DSCAM: variants seen among roughly 807,000 people sequenced by gnomAD.
DSCAM encodes the protein cell adhesion molecule DSCAM.
A neutral mutation model predicts 217.7 loss-of-function variants in DSCAM; 47 were observed. That is an observed-to-expected ratio of 0.22 (90% CI 0.17 to 0.28). The LOEUF (loss-of-function observed/expected upper bound fraction) is 0.28. Ranked by LOEUF, DSCAM falls within the 10% of genes least tolerant of loss-of-function variation. DSCAM has a pLI of 1.00. For synonymous variants in DSCAM, 1,056 were observed against 1,015.3 expected (o/e 1.04, Z -0.76); for missense variants, 2,080 against 2,618.3 (o/e 0.79, Z 4.49).
At chr21:40,594,866 T>TACAAAGCG (rs2077009670) in intron 3 of DSCAM, among the ~76,000 whole-genome samples, 1 of 152,124 alleles carries the variant, frequency 6.6e-6, no homozygotes, top group African/African-American at 2.4e-5. Context: ...GGGAACCCCA[T>TACAAAGCG]ATGCTAAAGA....
At chr21:40,555,661 C>G (rs1056248933) in intron 3 of DSCAM, among the ~76,000 whole-genome samples, 1 of 152,192 alleles carries the variant, frequency 6.6e-6, no homozygotes, top group African/African-American at 2.4e-5. Context: ...GACACAGCAT[C>G]TGATTCTGTC....
At chr21:40,291,021 TAGA>T (rs2073885328) in intron 10 of DSCAM, among the ~76,000 whole-genome samples, 1 of 152,228 alleles carries the variant, frequency 6.6e-6, no homozygotes, top group Non-Finnish European at 1.5e-5. Flanking sequence ...TGTATCTGCA[TAGA>T]GAGGAGCCCA....
chr21:40,756,101 G>A (rs2091273349), intron 1 of DSCAM, among the ~76,000 whole-genome samples: 3 of 152,230 alleles, frequency 2.0e-5, no homozygotes, highest in African/African-American at 7.2e-5. Flanking sequence ...GGTGGGAGGT[G>A]ACTGAATCAT....
Position 40,052,160 on chromosome 21 carries a change from C to T in DSCAM, c.5036-53G>A, listed in dbSNP as rs2088943484. 4.4e-6 allele frequency: 7 copies of T among 1,596,172 alleles called. No homozygotes were observed. In the South Asian group the frequency reaches 6.8e-5, roughly 16 times the overall value. ...CAAACACGTTTATCTCCCTTCCAAC[C>T]ACTCCCTGGCCTTTTCTCTCCTGAG... On this transcript the variant is annotated intron_variant, in intron 29 of 32. Transcript: ENST00000400454.
chr21:40,588,685 G>A (rs2076963300), intron 3 of DSCAM, among the ~76,000 whole-genome samples: 1 of 152,034 alleles, frequency 6.6e-6, no homozygotes, highest in Non-Finnish European at 1.5e-5. Context: ...GAAGATTCTA[G>A]TTTTTCATTC....
chr21:40,571,660 C>T (rs1170283514), intron 3 of DSCAM, among the ~76,000 whole-genome samples: 1 of 152,192 alleles, frequency 6.6e-6, no homozygotes, highest in African/African-American at 2.4e-5. Flanking sequence ...ATTTAATATA[C>T]ATGTGTGTTT....
chr21:40,553,148 T>C (rs147480265), intron 3 of DSCAM, among the ~76,000 whole-genome samples: 101 of 152,310 alleles, frequency 6.6e-4, no homozygotes, highest in African/African-American at 2.4e-3. Flanking sequence ...TTTCTATTGG[T>C]GGATTTTAAA....
chr21:40,164,810 TAAATA>T (rs1054599091), intron 16 of DSCAM, among the ~76,000 whole-genome samples: 10 of 152,018 alleles, frequency 6.6e-5, no homozygotes, highest in African/African-American at 2.4e-4. Context: ...TCAAAATAAA[TAAATA>T]AAATAAAATG....
intron 3 of DSCAM, among the ~76,000 whole-genome samples, chr21:40,475,605 G>C (rs2075927097): frequency 6.6e-6 from 1 of 152,200 alleles, no homozygotes; most frequent in Non-Finnish European, 1.5e-5. Context: ...GGCCGAGGCA[G>C]GCAGATCACA....
At chr21:40,478,142 T>G (rs2075953170) in intron 3 of DSCAM, among the ~76,000 whole-genome samples, 1 of 152,222 alleles carries the variant, frequency 6.6e-6, no homozygotes, top group Non-Finnish European at 1.5e-5. Context: ...TCCTTCAACA[T>G]TACCTTTTCA....
At chr21:40,661,975 A>G (rs973113032) in intron 3 of DSCAM, among the ~76,000 whole-genome samples, 22 of 152,254 alleles carry the variant, frequency 1.4e-4, no homozygotes, top group African/African-American at 4.8e-4. Flanking sequence ...GCCTAGCAAG[A>G]TATTATTTTT....
chr21:40,844,745 G>C (rs1267994343), intron 1 of DSCAM, among the ~76,000 whole-genome samples: 1 of 151,178 alleles, frequency 6.6e-6, no homozygotes, highest in Non-Finnish European at 1.5e-5. Context: ...TAGCATCTCT[G>C]TATCAGAGGC....
chr21:40,485,163 C>A (rs1022507382), intron 3 of DSCAM, among the ~76,000 whole-genome samples: 21 of 152,142 alleles, frequency 1.4e-4, no homozygotes, highest in African/African-American at 4.3e-4. Flanking sequence ...CCTGCTACCC[C>A]CTTTGCATCC....
intron 3 of DSCAM, among the ~76,000 whole-genome samples, chr21:40,431,232 CT>C (rs972849693): frequency 7.9e-5 from 12 of 152,340 alleles, no homozygotes; most frequent in Admixed American, 7.8e-4. Context: ...ACCCAAGTTT[CT>C]GCAGTTTCAC....
intron 11 of DSCAM, 114 bp downstream of exon 11, chr21:40,275,983 G>C: frequency 1.8e-6 from 2 of 1,110,938 alleles, no homozygotes; most frequent in Non-Finnish European, 2.4e-6. Context: ...TCACACCAAC[G>C]GGTCTTCTTT....
chr21:40,817,717 A>T (rs2091891933), intron 1 of DSCAM, among the ~76,000 whole-genome samples: 1 of 152,222 alleles, frequency 6.6e-6, no homozygotes, highest in African/African-American at 2.4e-5. Flanking sequence ...AGGGACTTTC[A>T]AATTTACAGC....
At chr21:40,566,885 T>C (rs982509749) in intron 3 of DSCAM, among the ~76,000 whole-genome samples, 4 of 152,064 alleles carry the variant, frequency 2.6e-5, no homozygotes, top group African/African-American at 9.7e-5. Flanking sequence ...TTGGCTTCAT[T>C]GGCCCTCTGT....
intron 4 of DSCAM, among the ~76,000 whole-genome samples, chr21:40,355,827 T>C (rs1182495000): frequency 6.6e-6 from 1 of 152,232 alleles, no homozygotes; most frequent in Non-Finnish European, 1.5e-5. Flanking sequence ...CGAACATCTC[T>C]ATTCCCTGCT....
chr21:40,386,996 T>C (rs942943950), intron 3 of DSCAM, among the ~76,000 whole-genome samples: 1 of 152,144 alleles, frequency 6.6e-6, no homozygotes, highest in African/African-American at 2.4e-5. Flanking sequence ...GGTAGTTTAA[T>C]ATAGTCAGTG....
Sources: gnomAD v4.1 joint callset for allele counts (sites outside exome capture counted in the v4.1 genomes callset) on GRCh38, gnomAD v4.1.1 for gene constraint, MANE v1.5 for transcripts, NCBI Gene and HGNC (gene_info 2026-07-23, HGNC 2026-07-21) for gene names.